The following CNTLN variants were observed in gnomAD, a reference collection of about 807,000 sequenced individuals.
CNTLN encodes centlein, centrosomal protein.
Under a neutral mutation model 180.0 loss-of-function variants are expected in CNTLN, and 212 were observed. The ratio of observed to expected loss-of-function variants is 1.18; its 90% CI spans 1.05 to 1.32. CNTLN has a LOEUF of 1.32. Among genes scored for constraint, CNTLN ranks in the 40% most tolerant of loss-of-function variants. The probability of loss-of-function intolerance (pLI) is 0.00; values close to 1 mark genes in which losing one functional copy is unlikely to be tolerated. For synonymous variants in CNTLN, 722 were observed against 563.1 expected (o/e 1.28, Z -3.99); for missense variants, 2,095 against 1,610.9 (o/e 1.30, Z -5.14).
chr9:17,156,775 C>T (rs376094618), intron 2 of CNTLN, among the ~76,000 whole-genome samples: 2 of 152,142 alleles, frequency 1.3e-5, no homozygotes, highest in African/African-American at 4.8e-5. Flanking sequence ...AAGCAAGTCA[C>T]ACAAATTTTT....
At chr9:17,527,640 G>A in the CNTLN span, among the ~76,000 whole-genome samples, 3 of 152,130 alleles carry the variant, frequency 2.0e-5, no homozygotes, top group African/African-American at 7.2e-5. Flanking sequence ...GGCAATATCA[G>A]CATGAACTCA....
chr9:17,442,865 A>T (rs888182434), intron 18 of CNTLN, among the ~76,000 whole-genome samples: 3 of 152,220 alleles, frequency 2.0e-5, no homozygotes, highest in African/African-American at 7.2e-5. Flanking sequence ...AAAATTTGTT[A>T]AGAAAGTAGA....
intron 5 of CNTLN, among the ~76,000 whole-genome samples, chr9:17,252,818 T>C (rs1826229259): frequency 6.6e-6 from 1 of 151,810 alleles, no homozygotes; most frequent in African/African-American, 2.4e-5. Context: ...GCTTTTGAGT[T>C]CTTAGGCATA....
intron 16 of CNTLN, among the ~76,000 whole-genome samples, chr9:17,410,296 A>G (rs1827740407): frequency 1.3e-5 from 2 of 152,142 alleles, no homozygotes; most frequent in African/African-American, 4.8e-5. Context: ...GTGATTACTA[A>G]TACAATGTTG....
chr9:17,526,756 T>C, the CNTLN span, among the ~76,000 whole-genome samples: 1 of 152,124 alleles, frequency 6.6e-6, no homozygotes, highest in Admixed American at 6.6e-5. Flanking sequence ...TTAATTAATT[T>C]AGCTCTAGAG....
intron 8 of CNTLN, among the ~76,000 whole-genome samples, chr9:17,325,677 G>C (rs10756866): frequency 0.57 from 86,796 of 151,432 alleles, 25,298 homozygotes; most frequent in East Asian, 0.73. Flanking sequence ...AAATGTTTTT[G>C]TTTTGCTATA....
At chr9:17,264,211 G>A (rs10962975) in intron 5 of CNTLN, among the ~76,000 whole-genome samples, 14,934 of 121,532 alleles carry the variant, frequency 0.12, 1,150 homozygotes, top group East Asian at 0.21. Flanking sequence ...ATCTTGAATT[G>A]ATTTTTGTAT....
At chr9:17,171,721 C>T (rs1027043634) in intron 2 of CNTLN, among the ~76,000 whole-genome samples, 1 of 151,938 alleles carries the variant, frequency 6.6e-6, no homozygotes, top group African/African-American at 2.4e-5. Flanking sequence ...GTTCTAGTAT[C>T]CAGGGCACAG....
At chr9:17,346,651 T>C (rs959382303) in intron 12 of CNTLN, among the ~76,000 whole-genome samples, 4 of 152,210 alleles carry the variant, frequency 2.6e-5, no homozygotes, top group African/African-American at 9.7e-5. Context: ...TTCAATCATT[T>C]TTCCTTTTCT....
At chr9:17,153,022 C>G (rs1819001393) in intron 2 of CNTLN, among the ~76,000 whole-genome samples, 1 of 152,090 alleles carries the variant, frequency 6.6e-6, no homozygotes, top group African/African-American at 2.4e-5. Flanking sequence ...AAATATTCTT[C>G]CATCCCTGTA....
chr9:17,444,255 A>G (rs1027627283), intron 18 of CNTLN: 6 of 152,316 alleles, frequency 3.9e-5, no homozygotes, highest in East Asian at 3.9e-4. Flanking sequence ...TGGTAAGCCT[A>G]CATTCTTATA....
chr9:17,423,723 T>C (rs1828888394), intron 18 of CNTLN, among the ~76,000 whole-genome samples: 1 of 152,032 alleles, frequency 6.6e-6, no homozygotes, highest in South Asian at 2.1e-4. Flanking sequence ...TTCCTACCAG[T>C]GGGGTGAAGG....
chr9:17,142,694 A>C (rs1467149087), intron 1 of CNTLN, among the ~76,000 whole-genome samples: 2 of 152,130 alleles, frequency 1.3e-5, no homozygotes, highest in Non-Finnish European at 2.9e-5. Context: ...AAACATACTG[A>C]TGCTTGGCTC....
In CNTLN at chr9:17,170,325, G is replaced by A. The variant is rs573002303; in HGVS notation, c.449+26949G>A. ...AATTTTCTTTATATAAGATTGTGTT[G>A]TATAAAGACAGTGGCAGTTTTACTT... On this transcript the variant is annotated intron_variant, in intron 2 of 25. Coordinates refer to ENST00000380647, the MANE Select transcript of CNTLN (RefSeq NM_017738.4). Among the ~76,000 whole-genome samples, 5 of 152,160 alleles carry A rather than the reference G, an allele frequency of 3.3e-5. No homozygotes were observed. In the South Asian group the frequency reaches 8.3e-4, roughly 25 times the overall value.
intron 5 of CNTLN, among the ~76,000 whole-genome samples, chr9:17,270,286 G>C (rs1310799410): frequency 1.3e-5 from 2 of 151,996 alleles, no homozygotes; most frequent in Non-Finnish European, 2.9e-5. Flanking sequence ...AAATTCTTCT[G>C]TATTCCTATT....
At chr9:17,421,489 G>C (rs995521244) in intron 18 of CNTLN, among the ~76,000 whole-genome samples, 1 of 152,002 alleles carries the variant, frequency 6.6e-6, no homozygotes, top group African/African-American at 2.4e-5. Flanking sequence ...CTTGTAGGTA[G>C]TGTATCATTG....
the CNTLN span, among the ~76,000 whole-genome samples, chr9:17,522,605 A>G: frequency 6.6e-6 from 1 of 151,996 alleles, no homozygotes; most frequent in Admixed American, 6.6e-5. Context: ...CCAATCCCTA[A>G]TGCTTGAGAT....
At chr9:17,265,253 A>T (rs59236751) in intron 5 of CNTLN, among the ~76,000 whole-genome samples, 1 of 150,910 alleles carries the variant, frequency 6.6e-6, no homozygotes, top group African/African-American at 2.5e-5. Flanking sequence ...AGCATGAAGC[A>T]TTGTTGAATT....
In CNTLN at chr9:17,335,852, G is replaced by A. The variant is rs141141825; in HGVS notation, c.1644+3122G>A. 1.2e-3 allele frequency among the ~76,000 whole-genome samples: 171 copies of A among 148,440 alleles called. 3 individuals carry two copies. Among genetic ancestry groups the A allele is most frequent in the African/African-American group, 3.9e-3 (158 of 40,294 alleles). ...AGCTACTCAGTAGGCTGAGGGATGA[G>A]AATCGCTTGAACCCAGGAGGCAGAG... On this transcript the variant is annotated intron_variant, in intron 10 of 25. Coordinates refer to ENST00000380647, the MANE Select transcript of CNTLN (RefSeq NM_017738.4).
Sources: allele counts gnomAD v4.1 joint callset (sites outside exome capture counted in the v4.1 genomes callset), GRCh38; gene constraint gnomAD v4.1.1; transcripts MANE v1.5; gene names NCBI Gene and HGNC (gene_info 2026-07-23, HGNC 2026-07-21).